Variants in SLC39A12 observed in about 807,000 individuals in gnomAD.
SLC39A12 encodes the protein solute carrier family 39 member 12.
SLC39A12 carries 63 observed loss-of-function variants against 71.1 expected under a neutral mutation model. The observed-to-expected ratio is 0.89, with a 90% CI of 0.72 to 1.09. SLC39A12 has a LOEUF of 1.09. Among genes scored for constraint, SLC39A12 ranks in the 50% least tolerant of loss-of-function variants. SLC39A12 has a pLI of 0.00. For missense variants in SLC39A12, 892 were observed against 812.6 expected (o/e 1.10, Z -1.19); for synonymous variants, 351 against 301.3 (o/e 1.16, Z -1.71).
At chr10:17,974,448 C>G (rs1299917416) in intron 4 of SLC39A12, among the ~76,000 whole-genome samples, 1 of 152,220 alleles carries the variant, frequency 6.6e-6, no homozygotes, top group African/African-American at 2.4e-5. Context: ...GGTGTATGAT[C>G]TATGCTGTAT....
intron 12 of SLC39A12, among the ~76,000 whole-genome samples, chr10:18,026,411 C>G (rs751082002): frequency 1.2e-4 from 19 of 152,214 alleles, no homozygotes; most frequent in Non-Finnish European, 2.5e-4. Flanking sequence ...TCTAAGAAGT[C>G]AGATACTTCT....
At chr10:18,033,970 A>T (rs1263086617) in intron 12 of SLC39A12, among the ~76,000 whole-genome samples, 4 of 148,268 alleles carry the variant, frequency 2.7e-5, no homozygotes, top group Middle Eastern at 3.4e-3. Flanking sequence ...TTTGAGTGAG[A>T]TTCTTAATCC....
At chr10:17,978,368 C>T (rs968744099) in intron 5 of SLC39A12, among the ~76,000 whole-genome samples, 2 of 152,058 alleles carry the variant, frequency 1.3e-5, no homozygotes, top group African/African-American at 2.4e-5. Flanking sequence ...TTATGCACAC[C>T]GCTAATCATC....
At position 17,978,034 on chromosome 10, in the gene SLC39A12, T is replaced by C. The variant is rs776666336; in HGVS notation, c.884T>C (p.Met295Thr). 6.2e-6 allele frequency: 10 copies of C among 1,604,654 alleles called. No individual in the cohort carries two copies. The highest frequency in any genetic ancestry group is 8.5e-6 in the Non-Finnish European group (10 of 1,176,774). ...GACTATTCTAATTTCTCTTCATCCA[T>C]GGAAAAAGAGTCTGAGGATGGTCCA... ...DQDYSNFSSS[M>T]EKESEDGPVS... is the part of the protein sequence containing the mutation. Residue 295 changes from methionine (M) to threonine (T), a missense_variant, in exon 5 of 13, where the codon ATG becomes ACG. Met to Thr is a moderately conservative substitution (Grantham distance 81). Coordinates refer to ENST00000377369, the MANE Select transcript of SLC39A12 (RefSeq NM_001145195.2).
intron 12 of SLC39A12, among the ~76,000 whole-genome samples, chr10:18,036,790 A>ATTTTT (rs1464293480): frequency 4.3e-5 from 3 of 69,220 alleles, no homozygotes; most frequent in African/African-American, 1.8e-4. Flanking sequence ...ATATATATAT[A>ATTTTT]TATATTTTTT....
At chr10:18,036,469 C>T (rs913523740) in intron 12 of SLC39A12, among the ~76,000 whole-genome samples, 53 of 152,142 alleles carry the variant, frequency 3.5e-4, no homozygotes, top group African/African-American at 9.6e-4. Flanking sequence ...TGACCCCTTG[C>T]GCTTCCCAGA....
chr10:17,960,178 A>G (rs1435789171), intron 2 of SLC39A12, among the ~76,000 whole-genome samples: 1 of 152,194 alleles, frequency 6.6e-6, no homozygotes, highest in Admixed American at 6.5e-5. Flanking sequence ...ATTTTTTTTA[A>G]CATTATACCA....
chr10:17,966,490 T>C (rs1316874204), intron 4 of SLC39A12, among the ~76,000 whole-genome samples: 2 of 151,986 alleles, frequency 1.3e-5, no homozygotes, highest in Non-Finnish European at 2.9e-5. Flanking sequence ...TTCTTATTTT[T>C]TGTAGAGATA....
At chr10:18,015,147 G>A (rs775659916) in intron 12 of SLC39A12, among the ~76,000 whole-genome samples, 1 of 152,110 alleles carries the variant, frequency 6.6e-6, no homozygotes, top group Non-Finnish European at 1.5e-5. Context: ...ACACTGCATG[G>A]ATAAAGGATT....
chr10:17,971,258 GCCCCTCCCCTCCCCTCCCCTCCCCT>G (rs1243209237), intron 4 of SLC39A12, among the ~76,000 whole-genome samples: 24 of 56,502 alleles, frequency 4.2e-4, no homozygotes, highest in Admixed American at 1.0e-3. Flanking sequence ...ATATTGGCCT[GCCCCTCCCCTCCCCTCCCCTCCCCT>G]CCCCTCCCCT....
intron 4 of SLC39A12, among the ~76,000 whole-genome samples, chr10:17,977,608 A>G (rs1383286287): frequency 1.3e-5 from 2 of 152,192 alleles, no homozygotes; most frequent in African/African-American, 4.8e-5. Flanking sequence ...AAACAATTTG[A>G]TTGACTTAAC....
chr10:18,036,773 TATATATATATATATA>T (rs1330197349), intron 12 of SLC39A12, among the ~76,000 whole-genome samples: 254 of 24,140 alleles, frequency 0.011, 21 homozygotes, highest in African/African-American at 0.035. Context: ...TATATATATA[TATATATATATATATA>T]TATATATTTT....
At chr10:18,021,008 A>G (rs1836518780) in intron 12 of SLC39A12, among the ~76,000 whole-genome samples, 1 of 151,704 alleles carries the variant, frequency 6.6e-6, no homozygotes, top group Non-Finnish European at 1.5e-5. Flanking sequence ...ATTTTTTTGC[A>G]ATTGCTTTTG....
Position 17,993,215 on chromosome 10 carries a change from A to G in SLC39A12, c.1457A>G (p.His486Arg), listed in dbSNP as rs558889480. The G allele has an allele frequency of 7.7e-6, 12 of 1,551,654 alleles. No homozygotes were observed. In the African/African-American group the frequency reaches 1.6e-4, roughly 21 times the overall value. ...GLSLVNGHVG[H>R]SHHLALNSEL... is the part of the protein sequence containing the mutation. ...TCATTGGTTAATGGGCACGTGGGTC[A>G]TTCCCACCATCTTGCACTCAACTCT... The change falls in exon 9 of 13, where the codon CAT becomes CGT. Residue 486 changes from histidine to arginine, a missense_variant. By Grantham distance (29) the His-to-Arg change is conservative. Coordinates refer to ENST00000377369, the MANE Select transcript of SLC39A12 (RefSeq NM_001145195.2).
At chr10:17,999,226 C>T (rs1053434108) in intron 10 of SLC39A12, among the ~76,000 whole-genome samples, 1 of 129,946 alleles carries the variant, frequency 7.7e-6, no homozygotes, top group African/African-American at 2.9e-5. Context: ...ACCACAGAGG[C>T]GGAGGTTGTA....
chr10:18,035,884 C>T (rs555785776), intron 12 of SLC39A12, among the ~76,000 whole-genome samples: 47 of 152,282 alleles, frequency 3.1e-4, no homozygotes, highest in Middle Eastern at 6.8e-3. Flanking sequence ...CCCTCAGCTG[C>T]AGGTCTGTTG....
At chr10:18,013,571 T>C (rs768770241) in intron 12 of SLC39A12, among the ~76,000 whole-genome samples, 2 of 152,042 alleles carry the variant, frequency 1.3e-5, no homozygotes, top group Non-Finnish European at 2.9e-5. Flanking sequence ...GGCATGTCAC[T>C]ATGTTGCCCA....
At chr10:17,968,141 A>G (rs1834880753) in intron 4 of SLC39A12, among the ~76,000 whole-genome samples, 1 of 151,394 alleles carries the variant, frequency 6.6e-6, no homozygotes, top group African/African-American at 2.4e-5. Context: ...TTATTTTTGT[A>G]TGATTTTTAG....
intron 7 of SLC39A12, among the ~76,000 whole-genome samples, chr10:17,990,844 G>A (rs140050811): frequency 6.6e-6 from 1 of 152,188 alleles, no homozygotes. Context: ...CTGAGTTTGT[G>A]TGAAAATCTA....
Sources: allele counts gnomAD v4.1 joint callset (sites outside exome capture counted in the v4.1 genomes callset), GRCh38; gene constraint gnomAD v4.1.1; transcripts MANE v1.5; gene names NCBI Gene and HGNC (gene_info 2026-07-23, HGNC 2026-07-21).